The following ALPL variants were observed in gnomAD, a reference collection of about 807,000 sequenced individuals.
ALPL encodes alkaline phosphatase, biomineralization associated.
In ALPL, 42 loss-of-function variants were observed where a neutral mutation model predicts 51.3. The observed-to-expected ratio is 0.82, with a 90% CI of 0.64 to 1.06. The LOEUF (loss-of-function observed/expected upper bound fraction) is 1.06, where lower values mean the gene tolerates loss of function less well. Among genes scored for constraint, ALPL ranks in the 50% least tolerant of loss-of-function variants. ALPL has a pLI of 0.00. For synonymous variants in ALPL, 279 were observed against 296.4 expected (o/e 0.94, Z 0.60); for missense variants, 589 against 709.4 (o/e 0.83, Z 1.93).
At chr1:21,528,934 G>A (rs917144214) in intron 1 of ALPL, among the ~76,000 whole-genome samples, 2 of 151,722 alleles carry the variant, frequency 1.3e-5, no homozygotes, top group Non-Finnish European at 2.9e-5. Flanking sequence ...GCTGGGTGTG[G>A]TGGTGGGCGC....
At chr1:21,523,113 C>G (rs1220176182) in intron 1 of ALPL, among the ~76,000 whole-genome samples, 1 of 152,130 alleles carries the variant, frequency 6.6e-6, no homozygotes, top group African/African-American at 2.4e-5. Context: ...TGATGAAACC[C>G]TATCTTTACT....
intron 1 of ALPL, among the ~76,000 whole-genome samples, chr1:21,541,983 C>T (rs568658588): frequency 1.3e-5 from 2 of 152,320 alleles, no homozygotes; most frequent in East Asian, 3.9e-4. Context: ...GGAAGTCCTT[C>T]CTTGGATCTG....
intron 2 of ALPL, among the ~76,000 whole-genome samples, chr1:21,554,847 T>C (rs1354269922): frequency 2.2e-5 from 3 of 137,598 alleles, no homozygotes; most frequent in Non-Finnish European, 4.7e-5. Context: ...CTTTCTTTCT[T>C]TCTTTCTTTC....
chr1:21,574,191 G>T, intron 9 of ALPL: 2 of 985,422 alleles, frequency 2.0e-6, no homozygotes, highest in Non-Finnish European at 2.4e-6. Context: ...TTTCAGCGCC[G>T]GCCAGGGGCC....
intron 2 of ALPL, among the ~76,000 whole-genome samples, chr1:21,560,394 G>A (rs1190427255): frequency 6.6e-6 from 1 of 152,204 alleles, no homozygotes; most frequent in African/African-American, 2.4e-5. Context: ...CTGAGCCTTG[G>A]TTTCTTCATT....
At chr1:21,532,402 G>C (rs1432872000) in intron 1 of ALPL, among the ~76,000 whole-genome samples, 1 of 152,098 alleles carries the variant, frequency 6.6e-6, no homozygotes, top group African/African-American at 2.4e-5. Context: ...TGTTGGCCAG[G>C]CTGATCTCGA....
chr1:21,557,322 G>A (rs565754538), intron 2 of ALPL, among the ~76,000 whole-genome samples: 1 of 152,274 alleles, frequency 6.6e-6, no homozygotes, highest in South Asian at 2.1e-4. Flanking sequence ...GTGAATGTTG[G>A]TCTCTTCTCT....
intron 1 of ALPL, among the ~76,000 whole-genome samples, chr1:21,533,331 G>A (rs1644054846): frequency 6.6e-6 from 1 of 152,178 alleles, no homozygotes; most frequent in African/African-American, 2.4e-5. Context: ...TCATTCTGCT[G>A]GTGACAGTTG....
At chr1:21,550,824 TTG>T (rs1644311232) in intron 1 of ALPL, among the ~76,000 whole-genome samples, 1 of 152,210 alleles carries the variant, frequency 6.6e-6, no homozygotes, top group Non-Finnish European at 1.5e-5. Flanking sequence ...CAAGCTTACC[TTG>T]TGCGATTCAT....
At chr1:21,549,197 A>G (rs1644289097) in intron 1 of ALPL, among the ~76,000 whole-genome samples, 1 of 150,722 alleles carries the variant, frequency 6.6e-6, no homozygotes, top group African/African-American at 2.4e-5. Context: ...CTTCTGTCAC[A>G]TCGTTTTCTG....
At chr1:21,575,513 G>C (rs986590857) in intron 9 of ALPL, among the ~76,000 whole-genome samples, 7 of 152,214 alleles carry the variant, frequency 4.6e-5, no homozygotes, top group African/African-American at 1.7e-4. Flanking sequence ...CAGCCCCCAT[G>C]CATGTGCCTT....
At chr1:21,525,859 G>A (rs989138927) in intron 1 of ALPL, among the ~76,000 whole-genome samples, 9 of 152,086 alleles carry the variant, frequency 5.9e-5, no homozygotes, top group Admixed American at 4.6e-4. Context: ...ATGGTGGCGC[G>A]TGCCTGTAAT....
intron 1 of ALPL, among the ~76,000 whole-genome samples, chr1:21,536,050 G>A (rs1017781627): frequency 6.6e-6 from 1 of 152,232 alleles, no homozygotes; most frequent in Admixed American, 6.5e-5. Context: ...GCTTGTACCT[G>A]CAAGTCCTGT....
chr1:21,568,550 T>A (rs1395658880), intron 7 of ALPL, among the ~76,000 whole-genome samples: 1 of 152,028 alleles, frequency 6.6e-6, no homozygotes, highest in African/African-American at 2.4e-5. Flanking sequence ...GGGGCATGCG[T>A]GAGGCACAGA....
chr1:21,538,163 G>A (rs558014312), intron 1 of ALPL, among the ~76,000 whole-genome samples: 19 of 152,274 alleles, frequency 1.2e-4, no homozygotes, highest in Non-Finnish European at 1.6e-4. Context: ...CTCCAGTGAC[G>A]TAGGCTCTCA....
rs76865142 is a variant in ALPL at position 21,547,686 on chromosome 1, G to A, written c.-104-6292G>A. Reference sequence around the variant, plus strand: ...AGGCCCGGAGAGGTTGAGCCCTGGCGTCAGCCTGGGCTTAAATGGCGCATA... The same window carrying A: ...AGGCCCGGAGAGGTTGAGCCCTGGCATCAGCCTGGGCTTAAATGGCGCATA... On this transcript the variant is annotated intron_variant, in intron 1 of 11. Transcript: ENST00000374840. 8.7e-3 allele frequency among the ~76,000 whole-genome samples: 1,327 copies of A among 152,302 alleles called. 27 individuals are homozygous for A. The highest frequency in any genetic ancestry group is 0.03 in the African/African-American group (1,264 of 41,566).
At position 21,564,096 on chromosome 1, in the gene ALPL, C is replaced by T. The variant is rs758330265; in HGVS notation, c.528C>T (p.Ala176=). The T allele has an allele frequency of 2.9e-5, 47 of 1,613,966 alleles. No homozygotes were observed. The highest frequency in any genetic ancestry group is 3.5e-5 in the Non-Finnish European group (41 of 1,180,018). Residue 176 remains alanine, a synonymous_variant, in exon 6 of 12, where the codon GCC becomes GCT. Transcript: ENST00000374840. This position sits in a 1 kb window ranked among gnomAD's most constrained non-coding sequence, Gnocchi z 5.8. The part of the protein sequence containing the change: ...TTRVNHATPS[A]AYAHSADRDW... ...GAGTGAACCATGCCACCCCCAGCGC[C>T]GCCTACGCCCACTCGGCTGACCGGG...
chr1:21,576,546 C>G lies in ALPL; in HGVS notation c.1214C>G (p.Thr405Arg). 6.2e-7 allele frequency: 1 copy of G among 1,613,970 alleles called. No homozygotes were observed. Among genetic ancestry groups the G allele is most frequent in the Non-Finnish European group, 8.5e-7 (1 of 1,179,946 alleles). Reference protein sequence around the residue: ...IFGLAPMLSDTDKKPFTAILY... With the variant: ...IFGLAPMLSDRDKKPFTAILY... ...GGTCTGGCCCCCATGCTGAGTGACA[C>G]AGACAAGAAGCCCTTCACTGCCATC... The change falls in exon 11 of 12, where the codon ACA (threonine) becomes AGA (arginine). Residue 405 changes from threonine to arginine, a missense_variant. Thr to Arg is a moderately conservative substitution (Grantham distance 71, BLOSUM62 -1). Transcript: ENST00000374840.
At chr1:21,541,360 C>A (rs933872473) in intron 1 of ALPL, among the ~76,000 whole-genome samples, 2 of 152,246 alleles carry the variant, frequency 1.3e-5, no homozygotes, top group African/African-American at 4.8e-5. Context: ...GGTGAGGTCA[C>A]CTGCTCTGAG....
Sources: allele counts gnomAD v4.1 joint callset (sites outside exome capture counted in the v4.1 genomes callset), GRCh38; gene constraint gnomAD v4.1.1; non-coding constraint Gnocchi (gnomAD v3.1); transcripts MANE v1.5; gene names NCBI Gene and HGNC (gene_info 2026-07-23, HGNC 2026-07-21).